ATAD3A: variants seen among roughly 807,000 people sequenced by gnomAD.
The protein encoded by ATAD3A is ATPase family AAA domain containing 3A.
Under a neutral mutation model 73.8 loss-of-function variants are expected in ATAD3A, and 46 were observed. The ratio of observed to expected loss-of-function variants is 0.62; its 90% CI spans 0.49 to 0.80. The LOEUF (loss-of-function observed/expected upper bound fraction) is 0.80. ATAD3A is among the 30% of genes least tolerant of loss of function. The pLI, the probability that ATAD3A is intolerant of heterozygous loss-of-function variation, is 0.00. For missense variants in ATAD3A, 705 were observed against 838.0 expected (o/e 0.84, Z 1.96); for synonymous variants, 319 against 350.0 (o/e 0.91, Z 0.99).
At chr1:1,525,157 G>A in intron 11 of ATAD3A, 83 bp from the exon 12 acceptor site, 2 of 1,583,758 alleles carry the variant, frequency 1.3e-6, no homozygotes, top group Non-Finnish European at 1.7e-6. Flanking sequence ...TGCCTGCTTG[G>A]CCTGCTCCTG....
At position 1,520,332 on chromosome 1, in the gene ATAD3A, G is replaced by A; in HGVS notation, c.680+26G>A. On this transcript the variant is annotated intron_variant, in intron 6 of 15. Transcript: ENST00000378756. This position sits in a 1 kb window ranked among gnomAD's most constrained non-coding sequence, Gnocchi z 4.0. ...GTGAGCACTGCCGAGGCCCGGGCCG[G>A]CCACAGATGGAGCCCCGCAGGTGTG... The A allele has an allele frequency of 6.2e-7, 1 of 1,606,084 alleles. No homozygotes were observed.
In ATAD3A at chr1:1,527,874, G is replaced by T. The variant is rs377344386; in HGVS notation, c.1505+12G>T. 6.2e-7 allele frequency: 1 copy of T among 1,606,078 alleles called. No homozygotes were observed. The highest frequency in any genetic ancestry group is 8.5e-7 in the Non-Finnish European group (1 of 1,175,472). On this transcript the variant is annotated intron_variant, in intron 14 of 15. Coordinates refer to ENST00000378756, the MANE Select transcript of ATAD3A (RefSeq NM_001170535.3). ...ACAGAAGGAAAGCAGTAAGTGTCCC[G>T]CCCCACCAGCCCCCGTCCAGGGGCC... is the stretch of plus-strand genomic sequence containing the variant.
chr1:1,518,635 G>A (rs1171032212), intron 4 of ATAD3A, among the ~76,000 whole-genome samples: 2 of 23,394 alleles, frequency 8.5e-5, no homozygotes, highest in Non-Finnish European at 1.3e-4. Flanking sequence ...CCCCCCACAG[G>A]CACGCACAAC....
intron 4 of ATAD3A, among the ~76,000 whole-genome samples, chr1:1,518,553 C>T (rs1641458799): frequency 7.8e-6 from 1 of 128,122 alleles, no homozygotes; most frequent in South Asian, 2.8e-4. Flanking sequence ...CGGGCACACA[C>T]GCCTTCCCGT....
intron 14 of ATAD3A, 81 bp downstream of exon 14, chr1:1,527,943 A>G (rs550796385): frequency 1.1e-4 from 153 of 1,449,152 alleles, no homozygotes; most frequent in Admixed American, 7.6e-4. Context: ...CATCACTTAC[A>G]AACCTTTAAC....
chr1:1,523,952 G>A lies in ATAD3A; in HGVS notation c.1077G>A (p.Thr359=), dbSNP rs551608904. The A allele has an allele frequency of 5.6e-6, 9 of 1,613,924 alleles. No homozygotes were observed. The highest frequency in any genetic ancestry group is 2.7e-5 in the African/African-American group (2 of 75,066). Residue 359 remains threonine (T), a synonymous_variant, in exon 10 of 16, where the codon ACG becomes ACA. Coordinates refer to ENST00000378756, the MANE Select transcript of ATAD3A (RefSeq NM_001170535.3). The surrounding 1 kb of genome is among the most constrained non-coding windows in gnomAD (Gnocchi z 5.1). ...LMYGPPGTGK[T]LFAKKLALHS... ...ACGGGCCACCAGGCACCGGGAAGACGCTGTTTGCCAAGGTGAGAGCGCCTG... is the reference window on the plus strand; with the variant it reads ...ACGGGCCACCAGGCACCGGGAAGACACTGTTTGCCAAGGTGAGAGCGCCTG...
chr1:1,531,409 C>G (rs1642028572), intron 15 of ATAD3A, among the ~76,000 whole-genome samples: 1 of 151,852 alleles, frequency 6.6e-6, no homozygotes, highest in Admixed American at 6.6e-5. Context: ...CGAGATTGCA[C>G]CACTGCACTC....
chr1:1,523,800 T>TGCACA lies in ATAD3A; in HGVS notation c.964-37_964-33dup, dbSNP rs1641696155. ...CCCCTTCCCCTGAGGCTTCCATGGG[T>TGCACA]GCACAGTGTCTCCTCCAAACCCCCG... On this transcript the variant is annotated intron_variant, in intron 9 of 15. Coordinates refer to ENST00000378756, the MANE Select transcript of ATAD3A (RefSeq NM_001170535.3). The surrounding 1 kb of genome is among the most constrained non-coding windows in gnomAD (Gnocchi z 5.1). The TGCACA allele has an allele frequency of 6.2e-7, 1 of 1,613,124 alleles. No homozygotes were observed. The highest frequency in any genetic ancestry group is 8.5e-7 in the Non-Finnish European group (1 of 1,179,812).
In ATAD3A at chr1:1,520,452, C is replaced by T. The variant is rs950932605; in HGVS notation, c.681-96C>T. On this transcript the variant is annotated intron_variant, in intron 6 of 15. Transcript: ENST00000378756. The surrounding 1 kb of genome is among the most constrained non-coding windows in gnomAD (Gnocchi z 4.0). ...GCACTGCCCCTCTGTCCTGGCAAGGCCGTGCCGCCATGTCAGGGCCTCACC... is the reference window on the plus strand; with the variant it reads ...GCACTGCCCCTCTGTCCTGGCAAGGTCGTGCCGCCATGTCAGGGCCTCACC... 9.3e-6 allele frequency: 15 copies of T among 1,606,796 alleles called. No homozygotes were observed. Among genetic ancestry groups the T allele is most frequent in the Non-Finnish European group, 1.2e-5 (14 of 1,174,964 alleles).
rs370599765 is a variant in ATAD3A at position 1,517,043 on chromosome 1, C to T, written c.283-268C>T. 620 of 1,458,148 alleles carry T rather than the reference C, an allele frequency of 4.3e-4. 2 individuals carry two copies. In the African/African-American group the frequency reaches 7.3e-3, roughly 17 times the overall value. The allele number at this position is 1,458,148 out of a possible 1,614,324, so 90.3% of individuals were successfully genotyped here. A position where few individuals can be genotyped will look rare whatever the true frequency, so the allele number is the denominator to read the frequency against. Reference sequence around the variant, plus strand: ...GCAGGATTCCTAAAATAAGCATGAGCTCTGCCCTCAGTGCAGTCCAAAAGG... The same window carrying T: ...GCAGGATTCCTAAAATAAGCATGAGTTCTGCCCTCAGTGCAGTCCAAAAGG... On this transcript the variant is annotated intron_variant, in intron 2 of 15. Coordinates refer to ENST00000378756, the MANE Select transcript of ATAD3A (RefSeq NM_001170535.3).
intron 15 of ATAD3A, among the ~76,000 whole-genome samples, chr1:1,533,222 G>C (rs557851633): frequency 2.0e-4 from 30 of 152,172 alleles, no homozygotes; most frequent in Admixed American, 3.3e-4. Flanking sequence ...GTCCTGGTGC[G>C]CTCCTGAGCA....
At chr1:1,532,070 T>C (rs1425738832) in intron 15 of ATAD3A, among the ~76,000 whole-genome samples, 1 of 152,248 alleles carries the variant, frequency 6.6e-6, no homozygotes, top group African/African-American at 2.4e-5. Context: ...TTTTTGTATG[T>C]TGAACATTTT....
chr1:1,522,081 A>G (rs910403406), intron 7 of ATAD3A, among the ~76,000 whole-genome samples: 8 of 151,506 alleles, frequency 5.3e-5, no homozygotes, highest in Admixed American at 1.3e-4. Context: ...CTCTTGTTGC[A>G]TAGGCTGGAG....
Position 1,534,562 on chromosome 1 carries a change from C to T in ATAD3A, c.*490C>T, listed in dbSNP as rs1211270770. ...GCCCCGATCTTTCACACACTGGTGA[C>T]CCTGAGAGAGGAGGGAGGAGGGAAC... On this transcript the variant is annotated 3_prime_UTR_variant, in exon 16 of 16. Coordinates refer to ENST00000378756, the MANE Select transcript of ATAD3A (RefSeq NM_001170535.3). The T allele has an allele frequency of 3.2e-6, 1 of 310,102 alleles. No homozygotes were observed. The highest frequency in any genetic ancestry group is 9.0e-5 in the East Asian group (1 of 11,146). The allele number at this position is 310,102 out of a possible 1,614,324, so 19.2% of individuals were successfully genotyped here. A position where few individuals can be genotyped will look rare whatever the true frequency, so the allele number is the denominator to read the frequency against.
At position 1,534,531 on chromosome 1, in the gene ATAD3A, C is replaced by T. The variant is rs1368504422; in HGVS notation, c.*459C>T. 4.1e-5 allele frequency: 20 copies of T among 482,362 alleles called. No homozygotes were observed. The highest frequency in any genetic ancestry group is 1.2e-4 in the East Asian group (2 of 16,810). 29.9% of individuals were successfully genotyped at this position (482,362 alleles called of 1,614,324 possible). ...CCTGAACCCTGCTTCCCCCTGTGGCCGGCATGCCCCGATCTTTCACACACT... is the reference window on the plus strand; with the variant it reads ...CCTGAACCCTGCTTCCCCCTGTGGCTGGCATGCCCCGATCTTTCACACACT... On this transcript the variant is annotated 3_prime_UTR_variant, in exon 16 of 16. Coordinates refer to ENST00000378756, the MANE Select transcript of ATAD3A (RefSeq NM_001170535.3).
At position 1,524,365 on chromosome 1, in the gene ATAD3A, G is replaced by A. The variant is rs778080529; in HGVS notation, c.1182G>A (p.Lys394=). Residue 394 remains lysine, a synonymous_variant, in exon 11 of 16, where the codon AAG becomes AAA. Coordinates refer to ENST00000378756, the MANE Select transcript of ATAD3A (RefSeq NM_001170535.3). ...MGREGVTAMH[K]LFDWANTSRR... ...GGGAAGGCGTGACCGCCATGCACAA[G>A]CTCTTTGACTGGGCCAATACCAGCC... The A allele has an allele frequency of 4.3e-6, 7 of 1,610,822 alleles. No individual in the cohort carries two copies. In the Admixed American group the frequency reaches 1.0e-4, roughly 23 times the overall value.
Position 1,520,212 on chromosome 1 carries a change from C to T in ATAD3A, c.586C>T (p.Arg196Cys), listed in dbSNP as rs1050911224. The T allele has an allele frequency of 2.0e-5, 33 of 1,611,890 alleles. No individual in the cohort carries two copies. The highest frequency in any genetic ancestry group is 5.3e-5 in the African/African-American group (4 of 74,886). The change falls in exon 6 of 16, where the codon CGC (arginine) becomes TGC (cysteine). Residue 196 changes from arginine to cysteine, a missense_variant. Arg to Cys is a radical substitution (Grantham distance 180). Transcript: ENST00000378756. This position sits in a 1 kb window ranked among gnomAD's most constrained non-coding sequence, Gnocchi z 4.0. ...GCGAGTGGAGGCCGAGGCCCGGGCG[C>T]GCGCCAAGGCCGAGCGGGAGAATGC... Reference protein sequence around the residue: ...MLRVEAEARARAKAERENADI... With the variant: ...MLRVEAEARACAKAERENADI...
Position 1,533,863 on chromosome 1 carries a change from G to C in ATAD3A, c.1615-63G>C, listed in dbSNP as rs1642120779. 130 of 1,574,894 alleles carry C rather than the reference G, an allele frequency of 8.3e-5. No homozygotes were observed. In the South Asian group the frequency reaches 1.4e-3, roughly 17 times the overall value. ...TGGTCCCTCCCCACCTCGGGGCCCT[G>C]GCGTGCATTTGGGGTGGGGGGTTCC... On this transcript the variant is annotated intron_variant, in intron 15 of 15. Transcript: ENST00000378756.
At chr1:1,525,923 G>C (rs1266829740) in intron 12 of ATAD3A, among the ~76,000 whole-genome samples, 1 of 152,026 alleles carries the variant, frequency 6.6e-6, no homozygotes, top group African/African-American at 2.4e-5. Flanking sequence ...GCCCAGACTG[G>C]GCTCAAACTT....
Sources: gnomAD v4.1 joint callset for allele counts (sites outside exome capture counted in the v4.1 genomes callset) on GRCh38, gnomAD v4.1.1 for gene constraint, Gnocchi (gnomAD v3.1) non-coding constraint, MANE v1.5 for transcripts, NCBI Gene and HGNC (gene_info 2026-07-23, HGNC 2026-07-21) for gene names.